CNKSR3: variants seen among roughly 807,000 people sequenced by gnomAD.
The protein encoded by CNKSR3 is connector enhancer of kinase suppressor of ras 3.
CNKSR3 carries 36 observed loss-of-function variants against 67.7 expected under a neutral mutation model. The ratio of observed to expected loss-of-function variants is 0.53; its 90% CI spans 0.41 to 0.70. The LOEUF (loss-of-function observed/expected upper bound fraction) is 0.70, where lower values mean the gene tolerates loss of function less well. CNKSR3 is among the 30% of genes least tolerant of loss of function. The pLI is 0.00. For synonymous variants in CNKSR3, 281 were observed against 271.4 expected, an observed-to-expected ratio of 1.04 and a Z score of -0.35; for missense variants, 630 against 695.2, an observed-to-expected ratio of 0.91 and a Z score of 1.05.
At chr6:154,419,856 G>A (rs1369069985) in intron 9 of CNKSR3, among the ~76,000 whole-genome samples, 1 of 152,130 alleles carries the variant, frequency 6.6e-6, no homozygotes, top group East Asian at 1.9e-4. Flanking sequence ...GAGGCGGGCG[G>A]AACACCTGAG....
chr6:154,481,213 C>T (rs946686644), intron 1 of CNKSR3, among the ~76,000 whole-genome samples: 2 of 151,448 alleles, frequency 1.3e-5, no homozygotes, highest in Non-Finnish European at 2.9e-5. Flanking sequence ...TGATAGCAGT[C>T]TTACGCATAT....
intron 6 of CNKSR3, among the ~76,000 whole-genome samples, 156 bp from the exon 7 acceptor site, chr6:154,428,343 G>A (rs1785296529): frequency 6.6e-6 from 1 of 152,186 alleles, no homozygotes; most frequent in African/African-American, 2.4e-5. Flanking sequence ...TCCAAAGGGT[G>A]GTGAAGGGGA....
At chr6:154,491,196 G>A (rs547729532) in intron 1 of CNKSR3, among the ~76,000 whole-genome samples, 2 of 152,162 alleles carry the variant, frequency 1.3e-5, no homozygotes, top group Admixed American at 6.5e-5. Flanking sequence ...CTCTTGTGGC[G>A]CCCATTCATA....
chr6:154,501,727 T>C (rs1786999163), intron 1 of CNKSR3, among the ~76,000 whole-genome samples: 1 of 152,198 alleles, frequency 6.6e-6, no homozygotes, highest in South Asian at 2.1e-4. Flanking sequence ...TTCTGATTTA[T>C]GCTTATCAGT....
chr6:154,508,674 A>G (rs1393849948), intron 1 of CNKSR3, among the ~76,000 whole-genome samples: 1 of 152,180 alleles, frequency 6.6e-6, no homozygotes, highest in Non-Finnish European at 1.5e-5. Flanking sequence ...ACTCTTTACC[A>G]AGGGAAACCT....
In CNKSR3 at chr6:154,450,079, CT is replaced by C; in HGVS notation, c.216+15del. ...AGAACGTCATCACGGTACAGACCGT[CT>C]TTTCCTGAACTAACCAGTGCACAGA... On this transcript the variant is annotated intron_variant, in intron 2 of 12. Coordinates refer to ENST00000607772, the MANE Select transcript of CNKSR3 (RefSeq NM_173515.4). 1 of 1,612,340 alleles carries C rather than the reference CT, an allele frequency of 6.2e-7. No individual in the cohort carries two copies.
chr6:154,443,142 C>G (rs927830420), intron 2 of CNKSR3, among the ~76,000 whole-genome samples: 20 of 147,604 alleles, frequency 1.4e-4, no homozygotes, highest in Admixed American at 7.3e-4. Context: ...AGGCACAATG[C>G]CCCCCTCGGC....
intron 1 of CNKSR3, among the ~76,000 whole-genome samples, chr6:154,489,002 G>A (rs1786730318): frequency 6.6e-6 from 1 of 152,118 alleles, no homozygotes; most frequent in African/African-American, 2.4e-5. Flanking sequence ...ACAAAGGGGA[G>A]GGCGAGCGGC....
At chr6:154,481,659 T>G (rs1489830862) in intron 1 of CNKSR3, among the ~76,000 whole-genome samples, 1 of 152,196 alleles carries the variant, frequency 6.6e-6, no homozygotes, top group African/African-American at 2.4e-5. Context: ...TATGCATGTC[T>G]GTGTTTTGTT....
At position 154,410,395 on chromosome 6, in the gene CNKSR3, G is replaced by C; in HGVS notation, c.1317C>G (p.Asn439Lys). 1 of 1,614,116 alleles carries C rather than the reference G, an allele frequency of 6.2e-7. No individual in the cohort carries two copies. Among genetic ancestry groups the C allele is most frequent in the Non-Finnish European group, 8.5e-7 (1 of 1,179,962 alleles). The change falls in exon 12 of 13, where the codon AAC becomes AAG. Residue 439 changes from asparagine (N) to lysine (K), a missense_variant. Asn to Lys is a moderately conservative substitution (Grantham distance 94). Coordinates refer to ENST00000607772, the MANE Select transcript of CNKSR3 (RefSeq NM_173515.4). ...PRPLSMPADGNWMGIVDPFAR... is the reference protein window; with the variant it reads ...PRPLSMPADGKWMGIVDPFAR... ...CAAAAGGGTCCACAATCCCCATCCA[G>C]TTCCCATCAGCAGGCATGGACAAAG...
chr6:154,455,602 A>G (rs1483263003), intron 1 of CNKSR3, among the ~76,000 whole-genome samples: 1 of 151,704 alleles, frequency 6.6e-6, no homozygotes, highest in Admixed American at 6.6e-5. Context: ...TTGTATTTTT[A>G]GTAGAGACAG....
chr6:154,466,575 A>G (rs9478550), intron 1 of CNKSR3, among the ~76,000 whole-genome samples: 26,492 of 152,002 alleles, frequency 0.17, 2,977 homozygotes, highest in African/African-American at 0.32. Flanking sequence ...GGGAAGGATG[A>G]GTGAAAAAAG....
chr6:154,495,690 T>C (rs1414889139), intron 1 of CNKSR3, among the ~76,000 whole-genome samples: 1 of 152,106 alleles, frequency 6.6e-6, no homozygotes, highest in African/African-American at 2.4e-5. Context: ...ACATTTCTAA[T>C]GATATGGCCA....
intron 2 of CNKSR3, among the ~76,000 whole-genome samples, chr6:154,447,759 C>T (rs1337068048): frequency 1.3e-5 from 2 of 152,136 alleles, no homozygotes; most frequent in African/African-American, 4.8e-5. Flanking sequence ...TCAACATCCA[C>T]TAAACTAAGT....
intron 1 of CNKSR3, among the ~76,000 whole-genome samples, chr6:154,451,974 G>A (rs1334966612): frequency 1.3e-5 from 2 of 152,192 alleles, no homozygotes; most frequent in Non-Finnish European, 2.9e-5. Flanking sequence ...GCAGGCAGTG[G>A]AGGCCAGGCA....
rs1784593709 is a variant in CNKSR3 at position 154,390,653 on chromosome 6, G to C, written c.*15701C>G. The C allele has an allele frequency of 6.6e-6, 1 of 152,204 alleles. No individual in the cohort carries two copies. Among genetic ancestry groups the C allele is most frequent in the African/African-American group, 2.4e-5 (1 of 41,446 alleles). 9.4% of individuals were successfully genotyped at this position (152,204 alleles called of 1,614,324 possible). ...TTTTGAAGTGATAGTCAGCAAGGCT[G>C]TGCATCATTTTGTGTATTAGTTTGT... On this transcript the variant is annotated 3_prime_UTR_variant, in exon 13 of 13. Transcript: ENST00000607772.
chr6:154,496,630 C>T (rs1420691234), intron 1 of CNKSR3, among the ~76,000 whole-genome samples: 1 of 152,090 alleles, frequency 6.6e-6, no homozygotes, highest in African/African-American at 2.4e-5. Flanking sequence ...AGCATTAGAA[C>T]CTAAAAACAT....
intron 1 of CNKSR3, among the ~76,000 whole-genome samples, chr6:154,484,811 T>C (rs1029205493): frequency 2.0e-5 from 3 of 148,516 alleles, no homozygotes; most frequent in Non-Finnish European, 4.5e-5. Flanking sequence ...TAAAAATCAA[T>C]TGTTACCATC....
chr6:154,497,947 T>A (rs1786911139), intron 1 of CNKSR3, among the ~76,000 whole-genome samples: 1 of 152,140 alleles, frequency 6.6e-6, no homozygotes, highest in African/African-American at 2.4e-5. Flanking sequence ...CTATTTTAGG[T>A]GATATGTGAA....
Sources: gnomAD v4.1 joint callset for allele counts (sites outside exome capture counted in the v4.1 genomes callset) on GRCh38, gnomAD v4.1.1 for gene constraint, MANE v1.5 for transcripts, NCBI Gene and HGNC (gene_info 2026-07-23, HGNC 2026-07-21) for gene names.